The following KIF1A variants were observed in gnomAD, a reference collection of about 807,000 sequenced individuals.
KIF1A encodes the protein kinesin family member 1A.
A neutral mutation model predicts 227.3 loss-of-function variants in KIF1A; 46 were observed. The observed-to-expected ratio is 0.20, with a 90% CI of 0.16 to 0.26. The LOEUF (loss-of-function observed/expected upper bound fraction) is 0.26, where lower values mean the gene tolerates loss of function less well. KIF1A is among the 10% of genes least tolerant of loss of function. The pLI, the probability that KIF1A is intolerant of heterozygous loss-of-function variation, is 1.00. For synonymous variants in KIF1A, 1,022 were observed against 1,012.8 expected, an observed-to-expected ratio of 1.01 and a Z score of -0.17; for missense variants, 1,683 against 2,485.9, an observed-to-expected ratio of 0.68 and a Z score of 6.87.
rs1165400607 is a variant in KIF1A, at chr2:240,720,185, C to T, written c.4869-259G>A. On this transcript the variant is annotated intron_variant, in intron 45 of 48. Coordinates refer to ENST00000498729, the MANE Select transcript of KIF1A (RefSeq NM_001244008.2). ...GGGGCCCAGCCAGGGAGCCTGTGCC[C>T]CACTCCACGCCCTTCTCCCAGTGGC... 14 of 382,484 alleles carry T rather than the reference C, an allele frequency of 3.7e-5. No homozygotes were observed. In the East Asian group the frequency reaches 5.9e-4, roughly 16 times the overall value. The allele number at this position is 382,484 out of a possible 1,614,324, so 23.7% of individuals were successfully genotyped here.
chr2:240,768,961 C>A (rs1240074781), intron 17 of KIF1A, among the ~76,000 whole-genome samples, 172 bp downstream of exon 17: 1 of 152,238 alleles, frequency 6.6e-6, no homozygotes, highest in Non-Finnish European at 1.5e-5. Flanking sequence ...GGACAGAATT[C>A]TCCACAAAAA....
intron 29 of KIF1A, among the ~76,000 whole-genome samples, chr2:240,746,849 G>A (rs960501331): frequency 6.6e-6 from 1 of 152,238 alleles, no homozygotes; most frequent in Non-Finnish European, 1.5e-5. Context: ...AGCAGGCGAA[G>A]GAGCAGGCGA....
intron 1 of KIF1A, among the ~76,000 whole-genome samples, chr2:240,801,514 A>T (rs1251918890): frequency 6.6e-6 from 1 of 152,240 alleles, no homozygotes; most frequent in Non-Finnish European, 1.5e-5. Context: ...ATGGTCAAAC[A>T]TACCTGTAAG....
intron 1 of KIF1A, among the ~76,000 whole-genome samples, chr2:240,815,686 GGT>G (rs1174106221): frequency 6.6e-6 from 1 of 152,204 alleles, no homozygotes; most frequent in Non-Finnish European, 1.5e-5. Flanking sequence ...CCCCCGTGGG[GGT>G]GGGAGAAGTG....
chr2:240,772,675 G>T, intron 13 of KIF1A, 79 bp from the exon 14 acceptor site: 3 of 1,190,026 alleles, frequency 2.5e-6, no homozygotes, highest in Non-Finnish European at 3.6e-6. Flanking sequence ...GGTCAGGCAC[G>T]CCTTTCACAG....
intron 1 of KIF1A, among the ~76,000 whole-genome samples, chr2:240,799,071 C>G (rs2056713060): frequency 6.6e-6 from 1 of 152,222 alleles, no homozygotes; most frequent in Non-Finnish European, 1.5e-5. Context: ...CTACAGTGCC[C>G]CAGCCTCATA....
chr2:240,819,923 T>C (rs2058610168), intron 1 of KIF1A, among the ~76,000 whole-genome samples, 199 bp downstream of exon 1: 1 of 152,096 alleles, frequency 6.6e-6, no homozygotes, highest in African/African-American at 2.4e-5. Context: ...TCCCCCATTG[T>C]TCTCTGCGGA....
chr2:240,724,494 C>A, intron 40 of KIF1A: 1 of 217,104 alleles, frequency 4.6e-6, no homozygotes, highest in South Asian at 6.8e-5. Flanking sequence ...ACTGAGTGAC[C>A]TCCAGAATGA....
chr2:240,780,091 C>T (rs546726222), intron 10 of KIF1A, among the ~76,000 whole-genome samples: 443 of 152,032 alleles, frequency 2.9e-3, no homozygotes, highest in Middle Eastern at 0.01. Context: ...CGAGTTCCTC[C>T]GAGTTCCCGC....
At chr2:240,747,164 G>A (rs1194186967) in intron 29 of KIF1A, 72 bp downstream of exon 29, 2 of 1,136,484 alleles carry the variant, frequency 1.8e-6, no homozygotes, top group Admixed American at 3.7e-5. Flanking sequence ...GGGTGTTAGA[G>A]GAGCAAAGTG....
rs747707345 is a variant in KIF1A, at chr2:240,741,270, C to T, written c.3748G>A (p.Asp1250Asn). 9 of 1,582,968 alleles carry T rather than the reference C, an allele frequency of 5.7e-6. No homozygotes were observed. Among genetic ancestry groups the T allele is most frequent in the Admixed American group, 1.8e-5 (1 of 56,716 alleles). The change falls in exon 35 of 49, where the codon GAT (aspartate) becomes AAT (asparagine). Residue 1250 changes from aspartate to asparagine, a missense_variant and splice_region_variant. By Grantham distance (23) the Asp-to-Asn change is conservative. Coordinates refer to ENST00000498729, the MANE Select transcript of KIF1A (RefSeq NM_001244008.2). ...FEICELEANG[D>N]YIPAVVDHRG... ...GGGGGCCCCAGCACCAGCACTCACT[C>T]GCCGTTGGCCTCCAGCTCACAGATC...
At chr2:240,802,911 T>C (rs1575661953) in intron 1 of KIF1A, among the ~76,000 whole-genome samples, 1 of 152,194 alleles carries the variant, frequency 6.6e-6, no homozygotes, top group East Asian at 1.9e-4. Context: ...ATTCCAGGTG[T>C]GAGTCACCAT....
chr2:240,722,307 G>C (rs550578438), intron 43 of KIF1A, 149 bp downstream of exon 43: 2 of 722,198 alleles, frequency 2.8e-6, no homozygotes, highest in South Asian at 1.9e-5. Context: ...GTGGGCAAGG[G>C]GACCCTAGGG....
At chr2:240,730,524 CA>C (rs1254874706) in intron 38 of KIF1A, among the ~76,000 whole-genome samples, 8 of 152,224 alleles carry the variant, frequency 5.3e-5, no homozygotes, top group African/African-American at 1.9e-4. Context: ...TCAGAATCAT[CA>C]CAAGAGGAAA....
At chr2:240,784,959 G>A (rs375981704) in intron 7 of KIF1A, 30 bp downstream of exon 7, 6 of 1,574,270 alleles carry the variant, frequency 3.8e-6, no homozygotes, top group Non-Finnish European at 5.2e-6. Context: ...ACTGCCCTTG[G>A]TGGCACCGCC....
At chr2:240,809,373 G>A (rs375401312) in intron 1 of KIF1A, among the ~76,000 whole-genome samples, 2 of 152,340 alleles carry the variant, frequency 1.3e-5, no homozygotes, top group African/African-American at 4.8e-5. Flanking sequence ...AAGTCGGGCT[G>A]TGCTGGGACA....
intron 20 of KIF1A, among the ~76,000 whole-genome samples, chr2:240,764,733 T>C (rs778871033): frequency 6.6e-6 from 1 of 152,184 alleles, no homozygotes; most frequent in Non-Finnish European, 1.5e-5. Flanking sequence ...TGGAGGTTTC[T>C]GCACATGTGC....
Position 240,758,554 on chromosome 2 carries a change from C to A in KIF1A, c.2445-57G>T. On this transcript the variant is annotated intron_variant, in intron 25 of 48. Coordinates refer to ENST00000498729, the MANE Select transcript of KIF1A (RefSeq NM_001244008.2). The surrounding 1 kb of genome is among the most constrained non-coding windows in gnomAD (Gnocchi z 5.2). ...AGGCCCAGCGCTCAGCAGCTGGCACCGCACACCCTTATCTCCTGGGGACAG... is the reference window on the plus strand; with the variant it reads ...AGGCCCAGCGCTCAGCAGCTGGCACAGCACACCCTTATCTCCTGGGGACAG... 6.8e-7 allele frequency: 1 copy of A among 1,469,172 alleles called. No individual in the cohort carries two copies. The highest frequency in any genetic ancestry group is 2.5e-5 in the East Asian group (1 of 40,218). 91.0% of individuals were successfully genotyped at this position (1,469,172 alleles called of 1,614,324 possible). A position where few individuals can be genotyped will look rare whatever the true frequency, so the allele number is the denominator to read the frequency against.
At chr2:240,786,649 C>T (rs1226363490) in intron 5 of KIF1A, 136 bp from the exon 6 acceptor site, 16 of 722,802 alleles carry the variant, frequency 2.2e-5, no homozygotes, top group Non-Finnish European at 3.6e-5. Context: ...CATCAGGACC[C>T]CTGAGTGAGG....
Sources: allele counts gnomAD v4.1 joint callset (sites outside exome capture counted in the v4.1 genomes callset), GRCh38; gene constraint gnomAD v4.1.1; non-coding constraint Gnocchi (gnomAD v3.1); transcripts MANE v1.5; gene names NCBI Gene and HGNC (gene_info 2026-07-23, HGNC 2026-07-21).